Variants in VEZF1 observed in about 807,000 individuals in gnomAD.
VEZF1 encodes the protein putative transcription factor DB1.
VEZF1 carries 5 observed loss-of-function variants against 44.1 expected under a neutral mutation model. The ratio of observed to expected loss-of-function variants is 0.11; its 90% CI spans 0.06 to 0.24. VEZF1 has a LOEUF of 0.24. Ranked by LOEUF, VEZF1 falls within the 10% of genes least tolerant of loss-of-function variation. VEZF1 has a pLI of 1.00. For synonymous variants in VEZF1, 236 were observed against 233.1 expected (o/e 1.01, Z -0.11); for missense variants, 358 against 641.8 (o/e 0.56, Z 4.78).
intron 1 of VEZF1, chr17:57,986,279 G>A (rs2075292786): frequency 6.6e-6 from 1 of 151,980 alleles, no homozygotes; most frequent in African/African-American, 2.4e-5. Flanking sequence ...CCAAAGATGT[G>A]TTATGGGTTT....
intron 1 of VEZF1, chr17:57,985,330 G>A (rs2075285106): frequency 8.1e-7 from 1 of 1,231,216 alleles, no homozygotes; most frequent in Non-Finnish European, 1.0e-6. Context: ...TCTCACAGGA[G>A]GGTCACACCA....
chr17:57,979,152 C>G lies in VEZF1; in HGVS notation c.1138G>C (p.Glu380Gln). Residue 380 changes from glutamate to glutamine, a missense_variant and splice_region_variant, in exon 5 of 6, where the codon GAA becomes CAA. Physicochemically the swap from Glu to Gln is conservative, Grantham distance 29 (BLOSUM62 2). This residue lies in a region of VEZF1 where 171 missense variants were observed against 272.4 expected (regional missense o/e 0.63). Transcript: ENST00000581208. ...WEEAVKARKK[E>Q]AANLCQTSTA... ...TTCAACACTGGAAGCTGTGCCTTAC[C>G]TTTCTTCCTTGCTTTAACAGCTTCT... 2 of 1,611,680 alleles carry G rather than the reference C, an allele frequency of 1.2e-6. No individual in the cohort carries two copies. The highest frequency in any genetic ancestry group is 1.7e-6 in the Non-Finnish European group (2 of 1,179,388).
Position 57,979,333 on chromosome 17 carries a change from A to G in VEZF1, c.977-20T>C. 1 of 1,613,112 alleles carries G rather than the reference A, an allele frequency of 6.2e-7. No homozygotes were observed. Among genetic ancestry groups the G allele is most frequent in the East Asian group, 2.2e-5 (1 of 44,860 alleles). On this transcript the variant is annotated intron_variant, in intron 4 of 5. Coordinates refer to ENST00000581208, the MANE Select transcript of VEZF1 (RefSeq NM_007146.3). ...TGCATGCTATTACAAAGACAAACCA[A>G]AAACACTGTATCTACCTGTAAAACT...
At chr17:57,982,667 G>GAAGCAAAGCA (rs71143220) in intron 2 of VEZF1, 32 bp downstream of exon 2, 5 of 1,559,896 alleles carry the variant, frequency 3.2e-6, no homozygotes, top group African/African-American at 2.7e-5. Flanking sequence ...ATACCATAAT[G>GAAGCAAAGCA]AAGCAAAGCA....
At chr17:57,987,459 C>A (rs888625473) in intron 1 of VEZF1, among the ~76,000 whole-genome samples, 6 of 152,178 alleles carry the variant, frequency 3.9e-5, no homozygotes, top group African/African-American at 1.4e-4. Flanking sequence ...GCCCCCCCAA[C>A]TGGGTAAACA....
intron 1 of VEZF1, among the ~76,000 whole-genome samples, chr17:57,987,382 G>C (rs988636710): frequency 6.6e-6 from 1 of 151,878 alleles, no homozygotes; most frequent in African/African-American, 2.4e-5. Context: ...GCTCGGCTGA[G>C]ACTTGGGAAA....
At position 57,974,686 on chromosome 17, in the gene VEZF1, T is replaced by A; in HGVS notation, c.1353A>T (p.Pro451=). 1 of 1,614,114 alleles carries A rather than the reference T, an allele frequency of 6.2e-7. No individual in the cohort carries two copies. Among genetic ancestry groups the A allele is most frequent in the Admixed American group, 1.7e-5 (1 of 60,022 alleles). The change falls in exon 6 of 6, where the codon CCA becomes CCT. Residue 451 remains proline (P), a synonymous_variant. Transcript: ENST00000581208. ...GTGTTAAAGGAGAGGTCATGGATAA[T>A]GGACTGGTTATAGTTACAGGATGCC... ...NIGHPVTITS[P]LSMTSPLTLT...
At chr17:57,975,915 T>C (rs2075185903) in intron 5 of VEZF1, among the ~76,000 whole-genome samples, 1 of 152,122 alleles carries the variant, frequency 6.6e-6, no homozygotes, top group African/African-American at 2.4e-5. Flanking sequence ...CCTCCCACTT[T>C]AGTCTACCAA....
At chr17:57,982,358 GTTACT>G in intron 2 of VEZF1, among the ~76,000 whole-genome samples, 2 of 152,204 alleles carry the variant, frequency 1.3e-5, no homozygotes, top group South Asian at 4.1e-4. Flanking sequence ...TCCAAGAAAT[GTTACT>G]TTAATTTGCC....
chr17:57,984,077 A>G (rs948154790), intron 1 of VEZF1, among the ~76,000 whole-genome samples: 2 of 152,234 alleles, frequency 1.3e-5, no homozygotes, highest in Admixed American at 1.3e-4. Context: ...CAGGTCATTT[A>G]ATTGTATACT....
Position 57,972,656 on chromosome 17 carries a change from T to C in VEZF1, c.*1817A>G, listed in dbSNP as rs2075148617. ...GTTTACATGGACATTATAACAAACA[T>C]ATACATTAAAAGTGTAGGAATGTGT... On this transcript the variant is annotated 3_prime_UTR_variant, in exon 6 of 6. Transcript: ENST00000581208. The C allele has an allele frequency of 6.6e-6, 1 of 152,622 alleles. No individual in the cohort carries two copies. The allele number at this position is 152,622 out of a possible 1,614,324, so 9.5% of individuals were successfully genotyped here.
chr17:57,981,245 A>G (rs2075247340), intron 3 of VEZF1, among the ~76,000 whole-genome samples: 1 of 152,254 alleles, frequency 6.6e-6, no homozygotes, highest in African/African-American at 2.4e-5. Flanking sequence ...TAGCATTCAA[A>G]TCATTTACTT....
chr17:57,985,491 C>T (rs1028175401), intron 1 of VEZF1: 3 of 1,186,562 alleles, frequency 2.5e-6, no homozygotes, highest in Non-Finnish European at 3.2e-6. Flanking sequence ...AGTAAAATAA[C>T]AACCACGGCC....
intron 2 of VEZF1, 61 bp from the exon 3 acceptor site, chr17:57,981,997 G>A: frequency 2.6e-6 from 4 of 1,563,422 alleles, no homozygotes; most frequent in Non-Finnish European, 3.5e-6. Flanking sequence ...TGCTACTTAT[G>A]TGATGCTCAC....
intron 1 of VEZF1, among the ~76,000 whole-genome samples, chr17:57,985,057 G>A (rs149382885): frequency 2.3e-4 from 35 of 152,240 alleles, no homozygotes; most frequent in Non-Finnish European, 4.9e-4. Flanking sequence ...TTTCCAACCT[G>A]GCTGTAGGAT....
Position 57,982,005 on chromosome 17 carries a change from C to T in VEZF1, c.729-69G>A, listed in dbSNP as rs370467082. On this transcript the variant is annotated intron_variant, in intron 2 of 5. Transcript: ENST00000581208. ...AGAGAAATGCTACTTATGTGATGCTCACATGCTTGGCAGATTGGGAAGGGG... is the reference window on the plus strand; with the variant it reads ...AGAGAAATGCTACTTATGTGATGCTTACATGCTTGGCAGATTGGGAAGGGG... 2.8e-5 allele frequency: 43 copies of T among 1,539,744 alleles called. No individual in the cohort carries two copies. The African/African-American group carries it at 5.6e-4, about 20-fold the overall frequency.
intron 5 of VEZF1, among the ~76,000 whole-genome samples, chr17:57,975,617 G>A (rs1184454093): frequency 6.6e-6 from 1 of 152,152 alleles, no homozygotes; most frequent in Non-Finnish European, 1.5e-5. Context: ...TCCTCAATAA[G>A]TTCATGTTCT....
chr17:57,977,418 C>T (rs2075202828), intron 5 of VEZF1, among the ~76,000 whole-genome samples: 1 of 152,160 alleles, frequency 6.6e-6, no homozygotes, highest in South Asian at 2.1e-4. Flanking sequence ...TGAGCCATCA[C>T]ACCTGGCCAA....
At chr17:57,976,854 T>A (rs890806014) in intron 5 of VEZF1, among the ~76,000 whole-genome samples, 7 of 151,830 alleles carry the variant, frequency 4.6e-5, no homozygotes, top group African/African-American at 1.7e-4. Context: ...CACTTTAAGG[T>A]GCTGGGAGTA....
Sources: allele counts gnomAD v4.1 joint callset (sites outside exome capture counted in the v4.1 genomes callset), GRCh38; gene constraint gnomAD v4.1.1; regional missense constraint gnomAD v4.1.1; transcripts MANE v1.5; gene names NCBI Gene and HGNC (gene_info 2026-07-23, HGNC 2026-07-21).